Variants in OSBPL6 observed in about 807,000 individuals in gnomAD.
OSBPL6 encodes oxysterol binding protein like 6, also known as oxysterol-binding protein-related protein 6.
In OSBPL6, 49 loss-of-function variants were observed where a neutral mutation model predicts 125.8. That is an observed-to-expected ratio of 0.39 (90% CI 0.31 to 0.49). The LOEUF (loss-of-function observed/expected upper bound fraction) is 0.49. OSBPL6 is among the 20% of genes least tolerant of loss of function. OSBPL6 has a pLI of 0.88. For synonymous variants in OSBPL6, 394 were observed against 391.8 expected (o/e 1.01, Z -0.07); for missense variants, 986 against 1,135.4 (o/e 0.87, Z 1.89).
chr2:178,209,816 A>G (rs2153952793), intron 1 of OSBPL6, among the ~76,000 whole-genome samples: 1 of 151,832 alleles, frequency 6.6e-6, no homozygotes, highest in Middle Eastern at 3.4e-3. Flanking sequence ...TTTCACAGAG[A>G]TCTCACAAGC....
chr2:178,198,292 C>T (rs576118230), intron 1 of OSBPL6, among the ~76,000 whole-genome samples: 3 of 152,030 alleles, frequency 2.0e-5, no homozygotes, highest in African/African-American at 7.2e-5. Flanking sequence ...AGAATCTTGG[C>T]GTGTAGTATC....
chr2:178,225,822 C>T (rs907137907), intron 1 of OSBPL6, among the ~76,000 whole-genome samples: 2 of 152,186 alleles, frequency 1.3e-5, no homozygotes, highest in African/African-American at 4.8e-5. Flanking sequence ...GAAAGACCCA[C>T]CTTCATGATT....
chr2:178,342,659 G>T (rs1690319951), intron 11 of OSBPL6, among the ~76,000 whole-genome samples: 1 of 152,056 alleles, frequency 6.6e-6, no homozygotes, highest in Non-Finnish European at 1.5e-5. Context: ...CAAACTTCCT[G>T]GTTCGAATAA....
chr2:178,377,459 T>C (rs1252364206), intron 15 of OSBPL6, among the ~76,000 whole-genome samples: 2 of 152,208 alleles, frequency 1.3e-5, no homozygotes, highest in East Asian at 3.9e-4. Context: ...TAGATTTCAG[T>C]GTGAGACTTG....
intron 1 of OSBPL6, among the ~76,000 whole-genome samples, chr2:178,204,544 C>G (rs935058238): frequency 6.6e-6 from 1 of 152,212 alleles, no homozygotes; most frequent in Non-Finnish European, 1.5e-5. Flanking sequence ...CCTTTCCTCT[C>G]TCTTGGGGAT....
chr2:178,287,435 A>G (rs1208591161), intron 2 of OSBPL6, among the ~76,000 whole-genome samples: 5 of 152,124 alleles, frequency 3.3e-5, no homozygotes, highest in Non-Finnish European at 7.3e-5. Flanking sequence ...GCTCCATCTC[A>G]TGGATTCTGT....
At chr2:178,232,892 A>G (rs192308655) in intron 1 of OSBPL6, among the ~76,000 whole-genome samples, 1 of 152,260 alleles carries the variant, frequency 6.6e-6, no homozygotes, top group Admixed American at 6.5e-5. Flanking sequence ...ACTCGTGTAT[A>G]CGCTGAACTC....
intron 1 of OSBPL6, among the ~76,000 whole-genome samples, chr2:178,274,714 T>C (rs2092435607): frequency 1.3e-5 from 2 of 152,208 alleles, no homozygotes; most frequent in South Asian, 4.1e-4. Flanking sequence ...CTCTATAAGG[T>C]GAAACTTTGA....
chr2:178,329,308 T>G (rs1688978768), intron 5 of OSBPL6, among the ~76,000 whole-genome samples: 1 of 152,182 alleles, frequency 6.6e-6, no homozygotes, highest in South Asian at 2.1e-4. Flanking sequence ...AGAGAAAATA[T>G]TTTTTACTGC....
At chr2:178,300,217 T>C (rs890431654) in intron 2 of OSBPL6, among the ~76,000 whole-genome samples, 19 of 152,308 alleles carry the variant, frequency 1.2e-4, no homozygotes, top group African/African-American at 4.3e-4. Flanking sequence ...TTGAGATCCC[T>C]GTAGGTCCCA....
At chr2:178,253,628 C>T (rs1248254743) in intron 1 of OSBPL6, among the ~76,000 whole-genome samples, 18 of 152,132 alleles carry the variant, frequency 1.2e-4, no homozygotes. Flanking sequence ...TATCCACATG[C>T]AATATATTCT....
intron 1 of OSBPL6, among the ~76,000 whole-genome samples, chr2:178,219,881 C>T (rs1284289207): frequency 7.9e-5 from 12 of 152,186 alleles, no homozygotes; most frequent in Admixed American, 7.9e-4. Flanking sequence ...CACCATCATC[C>T]TCACTGCCTT....
chr2:178,227,469 C>T (rs2090611492), intron 1 of OSBPL6, among the ~76,000 whole-genome samples: 1 of 152,164 alleles, frequency 6.6e-6, no homozygotes, highest in Admixed American at 6.5e-5. Context: ...AAAATAAATC[C>T]TGGCACATGT....
intron 6 of OSBPL6, 71 bp downstream of exon 6, chr2:178,331,676 T>C (rs1230073657): frequency 1.3e-6 from 2 of 1,491,560 alleles, no homozygotes; most frequent in Non-Finnish European, 1.9e-6. Context: ...ACACTGTAAT[T>C]GTACAAGCCT....
intron 22 of OSBPL6, 40 bp from the exon 23 acceptor site, chr2:178,392,372 A>C: frequency 6.2e-7 from 1 of 1,609,528 alleles, no homozygotes; most frequent in Non-Finnish European, 8.5e-7. Context: ...AGTTCCATAA[A>C]CCTTCTGCCT....
chr2:178,397,783 A>G lies in OSBPL6; in HGVS notation c.*2224A>G, dbSNP rs921597223. ...GTACTTAGCAATTTGGGTTATAATTACAAAAAAGAAAAAATAGTAGAAAGG... is the reference window on the plus strand; with the variant it reads ...GTACTTAGCAATTTGGGTTATAATTGCAAAAAAGAAAAAATAGTAGAAAGG... On this transcript the variant is annotated 3_prime_UTR_variant, in exon 25 of 25. Coordinates refer to ENST00000190611, the MANE Select transcript of OSBPL6 (RefSeq NM_032523.4). The G allele has an allele frequency of 2.0e-5, 3 of 152,274 alleles. No homozygotes were observed. Among genetic ancestry groups the G allele is most frequent in the Admixed American group, 6.5e-5 (1 of 15,280 alleles). 9.4% of individuals were successfully genotyped at this position (152,274 alleles called of 1,614,324 possible).
chr2:178,318,081 T>C (rs1687925463), intron 3 of OSBPL6, among the ~76,000 whole-genome samples: 1 of 152,212 alleles, frequency 6.6e-6, no homozygotes, highest in Admixed American at 6.5e-5. Context: ...TAAGCTCTGG[T>C]TCTATTTCTA....
At chr2:178,270,000 G>A (rs555774203) in intron 1 of OSBPL6, among the ~76,000 whole-genome samples, 4 of 152,274 alleles carry the variant, frequency 2.6e-5, no homozygotes, top group South Asian at 4.2e-4. Context: ...CAGGCAGGGC[G>A]GACGATAACA....
At chr2:178,249,353 G>A (rs368760000) in intron 1 of OSBPL6, among the ~76,000 whole-genome samples, 4 of 152,084 alleles carry the variant, frequency 2.6e-5, no homozygotes, top group African/African-American at 4.8e-5. Context: ...TGTATGGCAC[G>A]GTGTTTAGTA....
Sources: allele counts gnomAD v4.1 joint callset (sites outside exome capture counted in the v4.1 genomes callset), GRCh38; gene constraint gnomAD v4.1.1; transcripts MANE v1.5; gene names NCBI Gene and HGNC (gene_info 2026-07-23, HGNC 2026-07-21).